The following LGI2 variants were observed in gnomAD, a reference collection of about 807,000 sequenced individuals.
The protein encoded by LGI2 is leucine-rich repeat LGI family member 2.
In LGI2, 30 loss-of-function variants were observed where a neutral mutation model predicts 52.0. The ratio of observed to expected loss-of-function variants is 0.58; its 90% CI spans 0.43 to 0.78. The LOEUF (loss-of-function observed/expected upper bound fraction) is 0.78. Ranked by LOEUF, LGI2 falls within the 30% of genes least tolerant of loss-of-function variation. LGI2 has a pLI of 0.00. For synonymous variants in LGI2, 270 were observed against 271.8 expected (o/e 0.99, Z 0.06); for missense variants, 573 against 692.5 (o/e 0.83, Z 1.94).
At position 25,003,091 on chromosome 4, in the gene LGI2, T is replaced by A. The variant is rs1725291278; in HGVS notation, c.*360A>T. ...AAAGTGGAATGAGAGGGGCTCAAAG[T>A]TTTTTTTTATTTCATTATAAGTGCT... On this transcript the variant is annotated 3_prime_UTR_variant, in exon 8 of 8. Transcript: ENST00000382114. 7.1e-6 allele frequency: 1 copy of A among 141,518 alleles called. No individual in the cohort carries two copies. Among genetic ancestry groups the A allele is most frequent in the Non-Finnish European group, 1.4e-5 (1 of 70,688 alleles). The allele number at this position is 141,518 out of a possible 1,614,324, so 8.8% of individuals were successfully genotyped here.
In LGI2 at chr4:25,000,136, A is replaced by G. The variant is rs1725193719; in HGVS notation, c.*3315T>C. 4.9e-6 allele frequency: 1 copy of G among 205,340 alleles called. No individual in the cohort carries two copies. Among genetic ancestry groups the G allele is most frequent in the African/African-American group, 2.3e-5 (1 of 42,624 alleles). The allele number at this position is 205,340 out of a possible 1,614,324, so 12.7% of individuals were successfully genotyped here. ...TGGACCAGTTGATTGAATGGTGTCTATTCAGTATGATTTTTCTTCTGGCTA... is the reference window on the plus strand; with the variant it reads ...TGGACCAGTTGATTGAATGGTGTCTGTTCAGTATGATTTTTCTTCTGGCTA... On this transcript the variant is annotated 3_prime_UTR_variant, in exon 8 of 8. Coordinates refer to ENST00000382114, the MANE Select transcript of LGI2 (RefSeq NM_018176.4).
intron 4 of LGI2, among the ~76,000 whole-genome samples, chr4:25,022,756 C>G (rs1726013983): frequency 6.6e-6 from 1 of 152,214 alleles, no homozygotes; most frequent in African/African-American, 2.4e-5. Flanking sequence ...ATGATACCTG[C>G]TTGTTCACAC....
intron 4 of LGI2, among the ~76,000 whole-genome samples, chr4:25,020,319 A>G (rs1234884304): frequency 6.6e-6 from 1 of 152,222 alleles, no homozygotes; most frequent in East Asian, 1.9e-4. Context: ...GAAATAGAGT[A>G]GAATGCACAG....
At chr4:25,012,101 G>A (rs548027138) in intron 7 of LGI2, among the ~76,000 whole-genome samples, 18 of 152,250 alleles carry the variant, frequency 1.2e-4, no homozygotes, top group East Asian at 3.9e-4. Context: ...CATGCAACCC[G>A]TAAATGATCA....
intron 4 of LGI2, among the ~76,000 whole-genome samples, chr4:25,023,806 C>T (rs1577560096): frequency 6.6e-6 from 1 of 152,136 alleles, no homozygotes; most frequent in South Asian, 2.1e-4. Flanking sequence ...TTACTCCTAC[C>T]AAGATAATGA....
chr4:25,028,536 C>T lies in LGI2; in HGVS notation c.240G>A (p.Met80Ile). 1 of 1,613,540 alleles carries T rather than the reference C, an allele frequency of 6.2e-7. No homozygotes were observed. The highest frequency in any genetic ancestry group is 1.7e-5 in the Admixed American group (1 of 59,964). Residue 80 changes from methionine to isoleucine, a missense_variant, in exon 2 of 8, where the codon ATG (methionine) becomes ATA (isoleucine). Transcript: ENST00000382114. ...NGTFSEIKDRMFSHLPSLQLL... is the reference protein window; with the variant it reads ...NGTFSEIKDRIFSHLPSLQLL... ...GCTGCAGAGAAGGCAGATGGGAAAACATTCGGTCCTTGATTTCTGAAAACG... is the reference window on the plus strand; with the variant it reads ...GCTGCAGAGAAGGCAGATGGGAAAATATTCGGTCCTTGATTTCTGAAAACG...
chr4:25,014,117 T>C (rs1725673141), intron 6 of LGI2, among the ~76,000 whole-genome samples: 1 of 152,174 alleles, frequency 6.6e-6, no homozygotes, highest in Non-Finnish European at 1.5e-5. Flanking sequence ...ATTCGACTAC[T>C]CCGAGTCTGC....
the LGI2 span, among the ~76,000 whole-genome samples, chr4:24,992,207 G>A: frequency 2.6e-5 from 4 of 152,318 alleles, no homozygotes; most frequent in Admixed American, 2.6e-4. Context: ...CGTCATCTCT[G>A]GGTCTCCACT....
Position 24,999,907 on chromosome 4 carries a change from C to T in LGI2, c.*3544G>A. 1 of 455,604 alleles carries T rather than the reference C, an allele frequency of 2.2e-6. No individual in the cohort carries two copies. The highest frequency in any genetic ancestry group is 4.4e-6 in the Non-Finnish European group (1 of 226,664). 28.2% of individuals were successfully genotyped at this position (455,604 alleles called of 1,614,324 possible). A position where few individuals can be genotyped will look rare whatever the true frequency, so the allele number is the denominator to read the frequency against. On this transcript the variant is annotated 3_prime_UTR_variant, in exon 8 of 8. Transcript: ENST00000382114. ...CCTTCACAGATCTCTTCTTGTTTAT[C>T]TGGTGGACAATGTGACAAGAACCAG... is the stretch of plus-strand genomic sequence containing the variant.
At chr4:24,993,009 T>A in the LGI2 span, among the ~76,000 whole-genome samples, 722 of 152,314 alleles carry the variant, frequency 4.7e-3, 8 homozygotes, top group East Asian at 0.042. Context: ...CCCAAGCTCC[T>A]CTTCCTGCTG....
intron 2 of LGI2, 31 bp downstream of exon 2, chr4:25,028,476 C>A (rs759745098): frequency 6.2e-7 from 1 of 1,603,088 alleles, no homozygotes; most frequent in Non-Finnish European, 8.5e-7. Context: ...TCAGGGCCCC[C>A]CATTGTGCAG....
downstream of LGI2, among the ~76,000 whole-genome samples, chr4:24,993,905 TGGG>T (rs927815036): frequency 3.9e-5 from 6 of 152,078 alleles, no homozygotes; most frequent in African/African-American, 1.2e-4. Flanking sequence ...CAGATGGAAA[TGGG>T]GGGTTGGAGT....
In LGI2 at chr4:24,998,907, A is replaced by G. The variant is rs979253060; in HGVS notation, c.*4544T>C. 6.6e-6 allele frequency: 1 copy of G among 152,234 alleles called. No individual in the cohort carries two copies. Among genetic ancestry groups the G allele is most frequent in the Non-Finnish European group, 1.5e-5 (1 of 68,040 alleles). The allele number at this position is 152,234 out of a possible 1,614,324, so 9.4% of individuals were successfully genotyped here. On this transcript the variant is annotated 3_prime_UTR_variant, in exon 8 of 8. Coordinates refer to ENST00000382114, the MANE Select transcript of LGI2 (RefSeq NM_018176.4). ...GAATATATTGAATTAAGAGGCATAT[A>G]GTTTGTATACCCTATTTACCAAAAA...
the LGI2 span, among the ~76,000 whole-genome samples, chr4:24,993,436 T>C: frequency 6.6e-6 from 1 of 152,328 alleles, no homozygotes; most frequent in Non-Finnish European, 1.5e-5. Flanking sequence ...TGGTGCCTGG[T>C]ACCCTGCAAA....
chr4:25,011,343 C>T (rs1451308655), intron 7 of LGI2, among the ~76,000 whole-genome samples: 1 of 152,144 alleles, frequency 6.6e-6, no homozygotes, highest in African/African-American at 2.4e-5. Context: ...CGTTACTCTC[C>T]GGAAGGTGAG....
At chr4:25,022,816 A>G (rs996114593) in intron 4 of LGI2, among the ~76,000 whole-genome samples, 1 of 152,208 alleles carries the variant, frequency 6.6e-6, no homozygotes, top group Non-Finnish European at 1.5e-5. Flanking sequence ...GAAAGTTGCC[A>G]TCTGGGCTAA....
intron 5 of LGI2, among the ~76,000 whole-genome samples, chr4:25,018,891 C>A (rs940979146): frequency 4.0e-5 from 6 of 151,702 alleles, no homozygotes; most frequent in African/African-American, 2.4e-5. Context: ...CAGTAAGAAG[C>A]AATGATAGAA....
intron 7 of LGI2, among the ~76,000 whole-genome samples, chr4:25,006,445 T>C (rs973621324): frequency 2.0e-5 from 3 of 152,240 alleles, no homozygotes; most frequent in Non-Finnish European, 2.9e-5. Flanking sequence ...TCCATTTCTA[T>C]CCTAAGGATT....
Position 25,030,765 on chromosome 4 carries a change from C to T in LGI2, c.-72G>A. ...CGCGCGCTCGGACCCGGCGCCGCTG[C>T]AGACGCGGGCGCCGCTCGCTGCTCT... On this transcript the variant is annotated 5_prime_UTR_variant, in exon 1 of 8. Transcript: ENST00000382114. 2 of 880,782 alleles carry T rather than the reference C, an allele frequency of 2.3e-6. No homozygotes were observed. The highest frequency in any genetic ancestry group is 1.0e-4 in the South Asian group (2 of 19,654). 54.6% of individuals were successfully genotyped at this position (880,782 alleles called of 1,614,324 possible). A position where few individuals can be genotyped will look rare whatever the true frequency, so the allele number is the denominator to read the frequency against.
Sources: allele counts gnomAD v4.1 joint callset (sites outside exome capture counted in the v4.1 genomes callset), GRCh38; gene constraint gnomAD v4.1.1; transcripts MANE v1.5; gene names NCBI Gene and HGNC (gene_info 2026-07-23, HGNC 2026-07-21).